Variants in CNTNAP2 observed in about 807,000 individuals in gnomAD.
The protein encoded by CNTNAP2 is contactin associated protein 2, also known as contactin-associated protein-like 2.
Under a neutral mutation model 155.2 loss-of-function variants are expected in CNTNAP2, and 98 were observed. That is an observed-to-expected ratio of 0.63 (90% CI 0.54 to 0.75). CNTNAP2 has a LOEUF of 0.75. Among genes scored for constraint, CNTNAP2 ranks in the 30% least tolerant of loss-of-function variants. The probability of loss-of-function intolerance (pLI) is 0.00; values close to 1 mark genes in which losing one functional copy is unlikely to be tolerated. For synonymous variants in CNTNAP2, 651 were observed against 631.2 expected (o/e 1.03, Z -0.47); for missense variants, 1,727 against 1,688.1 (o/e 1.02, Z -0.40).
chr7:146,543,014 T>C (rs555840667), intron 1 of CNTNAP2, among the ~76,000 whole-genome samples: 78 of 152,004 alleles, frequency 5.1e-4, no homozygotes, highest in Non-Finnish European at 8.0e-4. Context: ...ATGACTATAG[T>C]TAATAATAAT....
chr7:148,065,419 A>C (rs1400538850), intron 15 of CNTNAP2, among the ~76,000 whole-genome samples: 1 of 151,698 alleles, frequency 6.6e-6, no homozygotes, highest in African/African-American at 2.4e-5. Context: ...GTTGTTGTCT[A>C]TCTCATTTCT....
intron 1 of CNTNAP2, among the ~76,000 whole-genome samples, chr7:146,290,080 A>G (rs1423225948): frequency 6.6e-6 from 1 of 152,212 alleles, no homozygotes; most frequent in Non-Finnish European, 1.5e-5. Flanking sequence ...TAGTAATTAC[A>G]TATGTAACCT....
At chr7:147,991,413 A>T (rs1460825402) in intron 15 of CNTNAP2, among the ~76,000 whole-genome samples, 1 of 152,210 alleles carries the variant, frequency 6.6e-6, no homozygotes, top group East Asian at 1.9e-4. Flanking sequence ...TTGCACAGAC[A>T]ATAATTGTTA....
chr7:147,458,564 C>T (rs1797962328), intron 10 of CNTNAP2, among the ~76,000 whole-genome samples: 1 of 152,248 alleles, frequency 6.6e-6, no homozygotes, highest in Non-Finnish European at 1.5e-5. Flanking sequence ...CTGAAGGGCT[C>T]CTCTAGTTAT....
intron 3 of CNTNAP2, 94 bp downstream of exon 3, chr7:146,839,998 T>A: frequency 7.2e-7 from 1 of 1,379,380 alleles, no homozygotes; most frequent in Non-Finnish European, 1.0e-6. Flanking sequence ...TTATCAATAT[T>A]TATGTATTCA....
At chr7:147,931,278 A>G (rs28821590) in intron 14 of CNTNAP2, among the ~76,000 whole-genome samples, 1 of 151,822 alleles carries the variant, frequency 6.6e-6, no homozygotes, top group Non-Finnish European at 1.5e-5. Context: ...CTAAAAAAAA[A>G]AGAGAAAAAA....
At chr7:147,698,137 G>T (rs1796188558) in intron 13 of CNTNAP2, among the ~76,000 whole-genome samples, 1 of 152,118 alleles carries the variant, frequency 6.6e-6, no homozygotes, top group Non-Finnish European at 1.5e-5. Context: ...CCTGTGGTTT[G>T]CTCTATGAGT....
intron 9 of CNTNAP2, among the ~76,000 whole-genome samples, chr7:147,338,001 A>G (rs1405121262): frequency 3.3e-5 from 5 of 152,100 alleles, no homozygotes; most frequent in Admixed American, 2.0e-4. Flanking sequence ...GTGGTTTTAT[A>G]TTTAGTCTGG....
chr7:146,493,011 C>T lies in CNTNAP2; in HGVS notation c.98-281260C>T, dbSNP rs138248507. Among the ~76,000 whole-genome samples the T allele has an allele frequency of 1.7e-3, 254 of 152,172 alleles. 1 individual carries two copies. The highest frequency in any genetic ancestry group is 5.9e-3 in the African/African-American group (243 of 41,530). ...AATGAATACTTGAGTAATCTAAGCG[C>T]AATTTAAGGATAAGTCTATAATCCA... On this transcript the variant is annotated intron_variant, in intron 1 of 23. Coordinates refer to ENST00000361727, the MANE Select transcript of CNTNAP2 (RefSeq NM_014141.6).
intron 10 of CNTNAP2, among the ~76,000 whole-genome samples, chr7:147,429,700 C>T (rs2116525671): frequency 6.6e-6 from 1 of 152,074 alleles, no homozygotes; most frequent in African/African-American, 2.4e-5. Context: ...CGTTTCACAT[C>T]TTAAAGTCTT....
At chr7:146,480,254 G>T (rs976901890) in intron 1 of CNTNAP2, among the ~76,000 whole-genome samples, 1 of 151,904 alleles carries the variant, frequency 6.6e-6, no homozygotes, top group Non-Finnish European at 1.5e-5. Flanking sequence ...TTTCTAAAAC[G>T]AAATTGTAAA....
At chr7:147,832,535 T>A (rs1798566621) in intron 13 of CNTNAP2, among the ~76,000 whole-genome samples, 1 of 143,226 alleles carries the variant, frequency 7.0e-6, no homozygotes, top group East Asian at 2.1e-4. Context: ...CAATATATTT[T>A]TATATTTCAA....
chr7:147,480,072 T>C (rs184187551), intron 10 of CNTNAP2, among the ~76,000 whole-genome samples: 1 of 152,272 alleles, frequency 6.6e-6, no homozygotes, highest in Admixed American at 6.5e-5. Flanking sequence ...ACATAGAAGG[T>C]AATGCAGAAG....
At chr7:147,211,728 C>G (rs529344763) in intron 8 of CNTNAP2, among the ~76,000 whole-genome samples, 2 of 152,142 alleles carry the variant, frequency 1.3e-5, no homozygotes, top group East Asian at 3.9e-4. Flanking sequence ...AAACAACATT[C>G]TGGACTCCAG....
intron 1 of CNTNAP2, among the ~76,000 whole-genome samples, chr7:146,542,080 C>T (rs1797961714): frequency 6.6e-6 from 1 of 151,854 alleles, no homozygotes; most frequent in Non-Finnish European, 1.5e-5. Context: ...AAAGTGTCGG[C>T]AAGCCAGGGA....
chr7:147,999,460 A>T (rs13225246), intron 15 of CNTNAP2, among the ~76,000 whole-genome samples: 6,148 of 152,334 alleles, frequency 0.04, 255 homozygotes, highest in East Asian at 0.25. Context: ...CTTGGAAAAA[A>T]GTAGTATTTT....
At chr7:146,450,935 A>ATATTTATTTATTTATTTATTTATTTATT (rs60956135) in intron 1 of CNTNAP2, among the ~76,000 whole-genome samples, 9 of 148,744 alleles carry the variant, frequency 6.1e-5, no homozygotes, top group African/African-American at 2.3e-4. Flanking sequence ...CATAGTAAAA[A>ATATTTATTTATTTATTTATTTATTTATT]TATTTATTTA....
rs571020101 is a variant in CNTNAP2 at position 147,728,990 on chromosome 7, ATATATAT to A, written c.2098+89688_2098+89694del. On this transcript the variant is annotated intron_variant, in intron 13 of 23. Coordinates refer to ENST00000361727, the MANE Select transcript of CNTNAP2 (RefSeq NM_014141.6). Reference sequence around the variant, plus strand: ...GGATGAAAGGAAAATTATATGTATAATATATATTATGTATAATGTATATAATATATAA... The same window carrying A: ...GGATGAAAGGAAAATTATATGTATAATATGTATAATGTATATAATATATAA... Among the ~76,000 whole-genome samples the A allele has an allele frequency of 4.2e-3, 626 of 148,952 alleles. 4 individuals are homozygous for A. The highest frequency in any genetic ancestry group is 9.2e-3 in the South Asian group (44 of 4,784).
chr7:147,012,068 A>T (rs1348301637), intron 3 of CNTNAP2, among the ~76,000 whole-genome samples: 1 of 152,140 alleles, frequency 6.6e-6, no homozygotes, highest in Non-Finnish European at 1.5e-5. Context: ...GTTATGTAAA[A>T]CCATAATGAA....
Sources: allele counts gnomAD v4.1 joint callset (sites outside exome capture counted in the v4.1 genomes callset), GRCh38; gene constraint gnomAD v4.1.1; transcripts MANE v1.5; gene names NCBI Gene and HGNC (gene_info 2026-07-23, HGNC 2026-07-21).